TTC31: variants seen among roughly 807,000 people sequenced by gnomAD.
The protein encoded by TTC31 is tetratricopeptide repeat protein 31.
In TTC31, 59 loss-of-function variants were observed where a neutral mutation model predicts 60.4. The ratio of observed to expected loss-of-function variants is 0.98; its 90% CI spans 0.79 to 1.21. TTC31 has a LOEUF of 1.21. Among genes scored for constraint, TTC31 ranks in the 50% most tolerant of loss-of-function variants. The pLI is 0.00. For missense variants in TTC31, 672 were observed against 646.9 expected (o/e 1.04, Z -0.42); for synonymous variants, 225 against 249.6 (o/e 0.90, Z 0.93).
Position 74,491,850 on chromosome 2 carries a change from C to T in TTC31, c.877-154C>T, listed in dbSNP as rs1270432579. 6.2e-6 allele frequency: 9 copies of T among 1,445,346 alleles called. No individual in the cohort carries two copies. The East Asian group carries it at 1.2e-4, about 20-fold the overall frequency. 89.5% of individuals were successfully genotyped at this position (1,445,346 alleles called of 1,614,324 possible). A position where few individuals can be genotyped will look rare whatever the true frequency, so the allele number is the denominator to read the frequency against. Reference sequence around the variant, plus strand: ...ACCATGACCCCGGGTGGTTTCCTGTCTAGGAAGATAGGGCTGATACCATCT... The same window carrying T: ...ACCATGACCCCGGGTGGTTTCCTGTTTAGGAAGATAGGGCTGATACCATCT... On this transcript the variant is annotated intron_variant, in intron 8 of 12. Transcript: ENST00000233623.
At position 74,490,261 on chromosome 2, in the gene TTC31, T is replaced by C; in HGVS notation, c.250T>C (p.Leu84=). The change falls in exon 4 of 13, where the codon TTG becomes CTG. Residue 84 remains leucine (L), a synonymous_variant. Coordinates refer to ENST00000233623, the MANE Select transcript of TTC31 (RefSeq NM_022492.6). The stretch of plus-strand genomic sequence containing the variant: ...CCTGACAGATTACCTCCTGGGCCAC[T>C]TGGATGATGAAGGGAAATCAACTGG... ...LWHHDYLLGH[L]DDEGKSTGQS... 6.2e-7 allele frequency: 1 copy of C among 1,613,972 alleles called. No homozygotes were observed. Among genetic ancestry groups the C allele is most frequent in the Non-Finnish European group, 8.5e-7 (1 of 1,179,920 alleles).
Position 74,490,239 on chromosome 2 carries a change from G to C in TTC31, c.233-5G>C, listed in dbSNP as rs754513049. The C allele has an allele frequency of 1.9e-6, 3 of 1,613,442 alleles. No individual in the cohort carries two copies. The highest frequency in any genetic ancestry group is 1.7e-4 in the Middle Eastern group (1 of 6,058). ...TCTTTCCTGTCTCTTTCTCCCTCCT[G>C]ACAGATTACCTCCTGGGCCACTTGG... On this transcript the variant is annotated splice_region_variant and splice_polypyrimidine_tract_variant and intron_variant, in intron 3 of 12. Transcript: ENST00000233623.
At chr2:74,487,311 C>T (rs1673237487) in intron 2 of TTC31, among the ~76,000 whole-genome samples, 2 of 152,034 alleles carry the variant, frequency 1.3e-5, no homozygotes, top group Non-Finnish European at 2.9e-5. Flanking sequence ...CTCCACTTCC[C>T]AGTTTCAAGC....
rs772117460 is a variant in TTC31, at chr2:74,483,121, G to A, written c.26G>A (p.Gly9Glu). 6.2e-7 allele frequency: 1 copy of A among 1,614,236 alleles called. No homozygotes were observed. The highest frequency in any genetic ancestry group is 1.1e-5 in the South Asian group (1 of 91,090). The change falls in exon 1 of 13, where the codon GGG becomes GAG. Residue 9 changes from glycine (G) to glutamate (E), a missense_variant. Coordinates refer to ENST00000233623, the MANE Select transcript of TTC31 (RefSeq NM_022492.6). Reference sequence around the variant, plus strand: ...ATGGCGCCGATTCCAAAGACTGTGGGGCGGATCAAGCTAGGTGAGCGGTAT... The same window carrying A: ...ATGGCGCCGATTCCAAAGACTGTGGAGCGGATCAAGCTAGGTGAGCGGTAT... MAPIPKTV[G>E]RIKLDCSLRP...
chr2:74,492,215 C>T lies in TTC31; in HGVS notation c.1005C>T (p.Asn335=). The T allele has an allele frequency of 6.2e-7, 1 of 1,614,216 alleles. No individual in the cohort carries two copies. Among genetic ancestry groups the T allele is most frequent in the Non-Finnish European group, 8.5e-7 (1 of 1,180,036 alleles). Residue 335 remains asparagine, a synonymous_variant, in exon 10 of 13, where the codon AAC becomes AAT. Transcript: ENST00000233623. ...TCTTCACCCAGGCCTTGAAGCTCAACCCCCAGGACCACCGGTAGGTGGGGG... is the reference window on the plus strand; with the variant it reads ...TCTTCACCCAGGCCTTGAAGCTCAATCCCCAGGACCACCGGTAGGTGGGGG... ...VVLFTQALKL[N]PQDHRLFGNR...
At chr2:74,491,006 A>C (rs1263633736) in intron 5 of TTC31, 122 bp from the exon 6 acceptor site, 1 of 1,378,934 alleles carries the variant, frequency 7.3e-7, no homozygotes, top group Non-Finnish European at 1.0e-6. Context: ...TTTCACCTGC[A>C]AAATGAGGAT....
At chr2:74,484,077 A>T (rs1289773663) in intron 2 of TTC31, among the ~76,000 whole-genome samples, 5 of 151,968 alleles carry the variant, frequency 3.3e-5, no homozygotes. Flanking sequence ...CTCTACCAAA[A>T]ATACGAAAAA....
chr2:74,483,408 G>C lies in TTC31; in HGVS notation c.127G>C (p.Glu43Gln), dbSNP rs373601586. ...ATTCGGTCCAGAGGATTACGGCGAA[G>C]AGGTAAAAGCGACCCTCAGTTTCCC... ...KEFGPEDYGE[E>Q]DIVDFLRRLV... is the part of the protein sequence containing the mutation. The change falls in exon 2 of 13, where the codon GAG becomes CAG. Residue 43 changes from glutamate to glutamine, a missense_variant and splice_region_variant. Glu to Gln is a conservative substitution (Grantham distance 29). Coordinates refer to ENST00000233623, the MANE Select transcript of TTC31 (RefSeq NM_022492.6). 1 of 1,614,192 alleles carries C rather than the reference G, an allele frequency of 6.2e-7. No homozygotes were observed.
Position 74,492,145 on chromosome 2 carries a change from G to A in TTC31, c.935G>A (p.Gly312Asp). ...CACCCTCTTTCCTTTCCAGAGTTGG[G>A]TACCAGCTTTGCTCAAAATGGTTTC... ...LQQSQELAKL[G>D]TSFAQNGFYH... Residue 312 changes from glycine (G) to aspartate (D), a missense_variant, in exon 10 of 13, where the codon GGT (glycine) becomes GAT (aspartate). Coordinates refer to ENST00000233623, the MANE Select transcript of TTC31 (RefSeq NM_022492.6). 6.2e-7 allele frequency: 1 copy of A among 1,614,194 alleles called. No individual in the cohort carries two copies. Among genetic ancestry groups the A allele is most frequent in the Non-Finnish European group, 8.5e-7 (1 of 1,180,044 alleles).
At chr2:74,484,412 C>T (rs1207115220) in intron 2 of TTC31, among the ~76,000 whole-genome samples, 2 of 151,898 alleles carry the variant, frequency 1.3e-5, no homozygotes, top group Non-Finnish European at 2.9e-5. Context: ...AAGGCTTTGA[C>T]TTAGCACAGG....
In TTC31 at chr2:74,491,362, G is replaced by A; in HGVS notation, c.671G>A (p.Cys224Tyr). ...SSPGNPVQGQ[C>Y]GEEEDSLDLS... ...CCTGGAAACCCAGTTCAGGGACAGTGTGGTGAAGAAGAGGTGAGAGCCCCT... is the reference window on the plus strand; with the variant it reads ...CCTGGAAACCCAGTTCAGGGACAGTATGGTGAAGAAGAGGTGAGAGCCCCT... The change falls in exon 7 of 13, where the codon TGT (cysteine) becomes TAT (tyrosine). Residue 224 changes from cysteine (C) to tyrosine (Y), a missense_variant. Physicochemically the swap from Cys to Tyr is radical, Grantham distance 194. Transcript: ENST00000233623. The A allele has an allele frequency of 1.9e-6, 3 of 1,614,206 alleles. No homozygotes were observed. Among genetic ancestry groups the A allele is most frequent in the Non-Finnish European group, 1.7e-6 (2 of 1,180,044 alleles).
intron 2 of TTC31, among the ~76,000 whole-genome samples, chr2:74,487,556 A>T (rs1412433796): frequency 6.6e-6 from 1 of 151,812 alleles, no homozygotes; most frequent in Admixed American, 6.6e-5. Context: ...TTTATTTTTA[A>T]TGATGACTAC....
At chr2:74,492,837 G>C (rs775317699) in intron 12 of TTC31, 85 bp from the exon 13 acceptor site, 3 of 1,587,160 alleles carry the variant, frequency 1.9e-6, no homozygotes, top group Non-Finnish European at 2.6e-6. Flanking sequence ...GGCTAAGGAG[G>C]GGGCGGGGAA....
intron 2 of TTC31, among the ~76,000 whole-genome samples, chr2:74,489,723 G>A (rs971859261): frequency 2.6e-5 from 4 of 152,262 alleles, no homozygotes; most frequent in South Asian, 2.1e-4. Flanking sequence ...CATTCCAGGG[G>A]CCTCAGTGTG....
At chr2:74,485,441 T>C (rs1203519926) in intron 2 of TTC31, among the ~76,000 whole-genome samples, 1 of 151,116 alleles carries the variant, frequency 6.6e-6, no homozygotes, top group Non-Finnish European at 1.5e-5. Flanking sequence ...ATTACATCCA[T>C]AGCCTCATCT....
chr2:74,490,016 C>G lies in TTC31; in HGVS notation c.130-9C>G. ...CACCAGCCTCCCCTCCCCTCCCCTC[C>G]CCTCCCAGGACATAGTGGATTTTCT... On this transcript the variant is annotated splice_polypyrimidine_tract_variant and intron_variant, in intron 2 of 12. Coordinates refer to ENST00000233623, the MANE Select transcript of TTC31 (RefSeq NM_022492.6). 1 of 1,539,784 alleles carries G rather than the reference C, an allele frequency of 6.5e-7. No homozygotes were observed. Among genetic ancestry groups the G allele is most frequent in the Non-Finnish European group, 8.8e-7 (1 of 1,135,582 alleles).
intron 6 of TTC31, 47 bp downstream of exon 6, chr2:74,491,231 G>T (rs757337826): frequency 6.2e-7 from 1 of 1,614,020 alleles, no homozygotes; most frequent in Non-Finnish European, 8.5e-7. Flanking sequence ...CCAGGAAGGT[G>T]AGGGCCAAGA....
Position 74,493,173 on chromosome 2 carries a change from G to C in TTC31, c.1515G>C (p.Trp505Cys). ...AGCCCCAGGACCCTTCAAAGGGCTG[G>C]GACATCCTGGGACTTGGGCTCCAGC... is the stretch of plus-strand genomic sequence containing the variant. ...PLKPQDPSKG[W>C]DILGLGLQHL... Residue 505 changes from tryptophan (W) to cysteine (C), a missense_variant, in exon 13 of 13, where the codon TGG (tryptophan) becomes TGC (cysteine). Coordinates refer to ENST00000233623, the MANE Select transcript of TTC31 (RefSeq NM_022492.6). 6.2e-7 allele frequency: 1 copy of C among 1,614,152 alleles called. No homozygotes were observed. Among genetic ancestry groups the C allele is most frequent in the Non-Finnish European group, 8.5e-7 (1 of 1,180,022 alleles).
chr2:74,485,024 C>CTTTTTTTTTTTTTTTTTTTTTTTTTTT, intron 2 of TTC31, among the ~76,000 whole-genome samples: 1 of 122,940 alleles, frequency 8.1e-6, no homozygotes. Flanking sequence ...CTAAAATTTA[C>CTTTTTTTTTTTTTTTTTTTTTTTTTTT]TTTTTTTTTT....
Sources: allele counts gnomAD v4.1 joint callset (sites outside exome capture counted in the v4.1 genomes callset), GRCh38; gene constraint gnomAD v4.1.1; transcripts MANE v1.5; gene names NCBI Gene and HGNC (gene_info 2026-07-23, HGNC 2026-07-21).